The following GABRB1 variants were observed in gnomAD, a reference collection of about 807,000 sequenced individuals.
GABRB1 encodes the protein gamma-aminobutyric acid type A receptor subunit beta1.
GABRB1 carries 17 observed loss-of-function variants against 51.6 expected under a neutral mutation model. The ratio of observed to expected loss-of-function variants is 0.33; its 90% CI spans 0.23 to 0.49. The LOEUF is 0.49. Among genes scored for constraint, GABRB1 ranks in the 20% least tolerant of loss-of-function variants. The pLI, the probability that GABRB1 is intolerant of heterozygous loss-of-function variation, is 0.99. For synonymous variants in GABRB1, 247 were observed against 218.9 expected (o/e 1.13, Z -1.14); for missense variants, 410 against 600.6 (o/e 0.68, Z 3.32).
chr4:47,194,519 TG>T (rs1577990553), intron 4 of GABRB1, among the ~76,000 whole-genome samples: 1 of 152,240 alleles, frequency 6.6e-6, no homozygotes, highest in East Asian at 1.9e-4. Flanking sequence ...GTCTTCTTTT[TG>T]CTCACTGAAT....
At chr4:47,028,020 C>T (rs1015561180), upstream of GABRB1, among the ~76,000 whole-genome samples, 51 of 151,756 alleles carry the variant, frequency 3.4e-4, no homozygotes, top group African/African-American at 1.0e-3. Flanking sequence ...CCACAGCTTC[C>T]ATGATACTTA....
At chr4:47,059,493 A>G (rs1245963579) in intron 3 of GABRB1, among the ~76,000 whole-genome samples, 1 of 152,174 alleles carries the variant, frequency 6.6e-6, no homozygotes, top group East Asian at 1.9e-4. Context: ...TTTATGTGAC[A>G]AATTCATAGA....
At chr4:47,099,768 A>T (rs1423414046) in intron 3 of GABRB1, among the ~76,000 whole-genome samples, 2 of 152,000 alleles carry the variant, frequency 1.3e-5, no homozygotes, top group Admixed American at 6.6e-5. Context: ...TGCTTCTGCA[A>T]GTGTATTCAA....
At chr4:47,296,936 G>C (rs1421243928) in intron 4 of GABRB1, among the ~76,000 whole-genome samples, 3 of 152,120 alleles carry the variant, frequency 2.0e-5, no homozygotes, top group Admixed American at 6.5e-5. Context: ...AATCAAACTA[G>C]AACTCAGAAT....
At chr4:47,141,672 T>C (rs1467201293) in intron 3 of GABRB1, among the ~76,000 whole-genome samples, 1 of 152,000 alleles carries the variant, frequency 6.6e-6, no homozygotes, top group Non-Finnish European at 1.5e-5. Flanking sequence ...CAGAAACACT[T>C]GATATCTTTA....
chr4:47,152,890 C>A (rs866807450), intron 3 of GABRB1, among the ~76,000 whole-genome samples: 4 of 151,984 alleles, frequency 2.6e-5, no homozygotes, highest in African/African-American at 7.2e-5. Flanking sequence ...AGTATTAAGT[C>A]AACTCTGATT....
chr4:47,099,523 C>A (rs558823572), intron 3 of GABRB1, among the ~76,000 whole-genome samples: 2 of 152,184 alleles, frequency 1.3e-5, no homozygotes, highest in East Asian at 3.9e-4. Flanking sequence ...AATTATAATT[C>A]TCTTTCTAAA....
At chr4:47,335,677 G>T (rs192547192) in intron 5 of GABRB1, among the ~76,000 whole-genome samples, 14 of 152,252 alleles carry the variant, frequency 9.2e-5, no homozygotes, top group African/African-American at 3.4e-4. Context: ...ACTTTGCAGA[G>T]AATTTCATGC....
chr4:47,400,526 GTCTC>G (rs56896606), intron 5 of GABRB1, among the ~76,000 whole-genome samples: 74 of 117,878 alleles, frequency 6.3e-4, no homozygotes, highest in South Asian at 2.7e-4. Flanking sequence ...CCAGGAGGTA[GTCTC>G]TCTCTCTCTC....
chr4:47,125,681 A>G (rs890973843), intron 3 of GABRB1, among the ~76,000 whole-genome samples: 3 of 143,142 alleles, frequency 2.1e-5, no homozygotes, highest in Non-Finnish European at 3.0e-5. Flanking sequence ...TCAGCCTCCC[A>G]AGTAGCTGGG....
At chr4:47,094,455 C>A (rs933232745) in intron 3 of GABRB1, among the ~76,000 whole-genome samples, 2 of 151,816 alleles carry the variant, frequency 1.3e-5, no homozygotes, top group African/African-American at 4.8e-5. Flanking sequence ...GATCTCTTCA[C>A]CTTGTGATCC....
chr4:47,396,729 C>T (rs1224421426), intron 5 of GABRB1, among the ~76,000 whole-genome samples: 1 of 152,136 alleles, frequency 6.6e-6, no homozygotes, highest in Non-Finnish European at 1.5e-5. Context: ...TACATTAATA[C>T]TTTCGATAGC....
chr4:47,118,647 A>G (rs1715611442), intron 3 of GABRB1, among the ~76,000 whole-genome samples: 1 of 152,146 alleles, frequency 6.6e-6, no homozygotes, highest in African/African-American at 2.4e-5. Context: ...TTTCTTATTA[A>G]TCATATGGGA....
chr4:47,256,330 G>T (rs1455225055), intron 4 of GABRB1, among the ~76,000 whole-genome samples: 1 of 152,130 alleles, frequency 6.6e-6, no homozygotes, highest in Non-Finnish European at 1.5e-5. Context: ...AAATAGAAAA[G>T]GTTTGAAAGA....
At chr4:47,181,935 A>T (rs1442093) in intron 4 of GABRB1, among the ~76,000 whole-genome samples, 130,403 of 151,948 alleles carry the variant, frequency 0.86, 55,958 homozygotes, top group Middle Eastern at 0.92. Context: ...TCTTGCTCAA[A>T]GATACTTAGT....
intron 4 of GABRB1, among the ~76,000 whole-genome samples, chr4:47,257,655 C>A (rs1335022923): frequency 6.7e-6 from 1 of 149,934 alleles, no homozygotes; most frequent in Non-Finnish European, 1.5e-5. Flanking sequence ...GACTATCTAG[C>A]TAAATAAATT....
intron 4 of GABRB1, among the ~76,000 whole-genome samples, chr4:47,304,828 A>C (rs1278653991): frequency 6.6e-6 from 1 of 152,088 alleles, no homozygotes; most frequent in East Asian, 1.9e-4. Flanking sequence ...TTAATTGTTC[A>C]TGAAGTTAGC....
intron 4 of GABRB1, among the ~76,000 whole-genome samples, chr4:47,219,197 T>TTATG: frequency 6.6e-6 from 1 of 152,002 alleles, no homozygotes; most frequent in South Asian, 2.1e-4. Flanking sequence ...GTATGTCATA[T>TTATG]TATGTAACTG....
intron 4 of GABRB1, among the ~76,000 whole-genome samples, chr4:47,206,031 C>T (rs192000582): frequency 8.7e-4 from 132 of 151,456 alleles, no homozygotes; most frequent in Non-Finnish European, 1.4e-3. Context: ...AAACACTTCC[C>T]GTTTGAGCCA....
Sources: gnomAD v4.1 joint callset for allele counts (sites outside exome capture counted in the v4.1 genomes callset) on GRCh38, gnomAD v4.1.1 for gene constraint, MANE v1.5 for transcripts, NCBI Gene and HGNC (gene_info 2026-07-23, HGNC 2026-07-21) for gene names.